CCDC7: variants seen among roughly 807,000 people sequenced by gnomAD.
The protein encoded by CCDC7 is coiled-coil domain containing 7, also known as coiled-coil domain-containing protein 7.
Under a neutral mutation model 196.9 loss-of-function variants are expected in CCDC7, and 183 were observed. The observed-to-expected ratio is 0.93, with a 90% confidence interval of 0.82 to 1.05. The LOEUF is 1.05. CCDC7 is among the 50% of genes least tolerant of loss of function. CCDC7 has a pLI of 0.00. For missense variants in CCDC7, 1,540 were observed against 1,482.2 expected, an observed-to-expected ratio of 1.04 and a Z score of -0.64; for synonymous variants, 525 against 484.6, an observed-to-expected ratio of 1.08 and a Z score of -1.10.
Position 32,633,734 on chromosome 10 carries a change from A to G in CCDC7, c.1802-520A>G, listed in dbSNP as rs867435581. On this transcript the variant is annotated intron_variant, in intron 18 of 41. Transcript: ENST00000639629. The stretch of plus-strand genomic sequence containing the variant: ...TGTGTGTGTGTGTGTGTGTGTGTAT[A>G]TATATGTGTGTGTGTGTGTATATAT... Among the ~76,000 whole-genome samples the G allele has an allele frequency of 4.9e-4, 62 of 125,502 alleles. No homozygotes were observed. The South Asian group carries it at 5.4e-3, about 11-fold the overall frequency. 82.3% of individuals were successfully genotyped at this position (125,502 alleles called of 152,430 possible).
intron 20 of CCDC7, among the ~76,000 whole-genome samples, chr10:32,644,292 CT>C (rs1224069929): frequency 6.6e-6 from 1 of 152,176 alleles, no homozygotes; most frequent in Non-Finnish European, 1.5e-5. Flanking sequence ...AACACTAAAA[CT>C]TCTTCTTCAT....
chr10:32,445,002 C>T (rs529742954), upstream of CCDC7, among the ~76,000 whole-genome samples: 186 of 152,092 alleles, frequency 1.2e-3, no homozygotes, highest in African/African-American at 4.3e-3. Context: ...TACAGGCACC[C>T]GCCATCACGC....
chr10:32,514,197 G>A (rs2046676391), intron 9 of CCDC7: 1 of 152,210 alleles, frequency 6.6e-6, no homozygotes, highest in Non-Finnish European at 1.5e-5. Context: ...GTTATGGGTT[G>A]AATTGTATCC....
At position 32,641,822 on chromosome 10, in the gene CCDC7, G is replaced by T. The variant is rs181150180; in HGVS notation, c.2014+6664G>T. Among the ~76,000 whole-genome samples the T allele has an allele frequency of 2.5e-4, 38 of 152,298 alleles. No individual in the cohort carries two copies. The East Asian group carries it at 6.9e-3, about 28-fold the overall frequency. On this transcript the variant is annotated intron_variant, in intron 20 of 41. Coordinates refer to ENST00000639629, the Ensembl canonical transcript of CCDC7. ...TCTTTGATGATGGTGACGAACAGATGGGGTTTTGGTGTGGATGTCCTTTCC... is the reference window on the plus strand; with the variant it reads ...TCTTTGATGATGGTGACGAACAGATTGGGTTTTGGTGTGGATGTCCTTTCC...
At chr10:32,644,770 G>A (rs1356128561) in intron 20 of CCDC7, among the ~76,000 whole-genome samples, 3 of 152,102 alleles carry the variant, frequency 2.0e-5, no homozygotes, top group Non-Finnish European at 4.4e-5. Flanking sequence ...CATGTGAGAC[G>A]TGCCTTTCAC....
At chr10:32,524,352 AGTT>A (rs2048350626) in intron 11 of CCDC7, among the ~76,000 whole-genome samples, 8 of 152,058 alleles carry the variant, frequency 5.3e-5, no homozygotes, top group Admixed American at 4.6e-4. Context: ...AAGCTGGTAT[AGTT>A]ATTATTTTTG....
At chr10:32,489,760 G>T (rs927101121) in intron 8 of CCDC7, among the ~76,000 whole-genome samples, 13 of 152,132 alleles carry the variant, frequency 8.5e-5, no homozygotes, top group Admixed American at 2.6e-4. Context: ...CTGGGGTGGG[G>T]CTAGCCCTCA....
At chr10:32,720,045 T>C (rs2082170285) in intron 25 of CCDC7, among the ~76,000 whole-genome samples, 1 of 152,186 alleles carries the variant, frequency 6.6e-6, no homozygotes, top group South Asian at 2.1e-4. Context: ...TTATAAATTA[T>C]ATACCCAAAC....
intron 41 of CCDC7, among the ~76,000 whole-genome samples, chr10:32,861,635 C>G (rs1312108731): frequency 6.6e-6 from 1 of 152,116 alleles, no homozygotes; most frequent in Non-Finnish European, 1.5e-5. Context: ...GAACAGGCAA[C>G]CTACAGAATG....
chr10:32,647,651 T>A (rs1156780071), intron 20 of CCDC7, among the ~76,000 whole-genome samples: 1 of 152,196 alleles, frequency 6.6e-6, no homozygotes, highest in East Asian at 1.9e-4. Flanking sequence ...AAGTGTCTGT[T>A]CATGTCTGTT....
intron 33 of CCDC7, among the ~76,000 whole-genome samples, chr10:32,841,592 T>G (rs1013087294): frequency 6.6e-6 from 1 of 151,964 alleles, no homozygotes; most frequent in Non-Finnish European, 1.5e-5. Flanking sequence ...ACATCATTCT[T>G]CACAGAACTA....
chr10:32,465,947 GA>G (rs1303856411), intron 5 of CCDC7, among the ~76,000 whole-genome samples: 2 of 152,072 alleles, frequency 1.3e-5, no homozygotes, highest in African/African-American at 4.8e-5. Context: ...ATCTATTCCT[GA>G]TATTTAATCT....
exon 9 of CCDC7, chr10:32,491,927 G>C: frequency 6.4e-7 from 1 of 1,554,762 alleles, no homozygotes; most frequent in African/African-American, 1.4e-5. Flanking sequence ...AATAGAAACT[G>C]CTCATTCAAT....
intron 21 of CCDC7, among the ~76,000 whole-genome samples, chr10:32,677,663 C>G (rs1378830966): frequency 6.6e-6 from 1 of 151,920 alleles, no homozygotes; most frequent in East Asian, 1.9e-4. Flanking sequence ...TGAGTTTTGA[C>G]AATTTAATGT....
At chr10:32,485,971 C>T (rs578219866) in intron 8 of CCDC7, among the ~76,000 whole-genome samples, 2 of 152,120 alleles carry the variant, frequency 1.3e-5, no homozygotes, top group East Asian at 1.9e-4. Context: ...ATTGTATATT[C>T]GGTTGATTTG....
intron 33 of CCDC7, among the ~76,000 whole-genome samples, chr10:32,840,462 AATCTCT>A (rs1372376771): frequency 6.6e-6 from 1 of 152,106 alleles, no homozygotes; most frequent in Non-Finnish European, 1.5e-5. Flanking sequence ...GAAGGTATAG[AATCTCT>A]GAACAGACCA....
chr10:32,575,870 G>A (rs934935348), intron 16 of CCDC7, among the ~76,000 whole-genome samples: 6 of 152,114 alleles, frequency 3.9e-5, no homozygotes, highest in African/African-American at 1.4e-4. Flanking sequence ...AATTTCCTTA[G>A]TATTGTCTGG....
At chr10:32,636,024 C>G (rs761874039) in intron 20 of CCDC7, among the ~76,000 whole-genome samples, 1 of 151,988 alleles carries the variant, frequency 6.6e-6, no homozygotes, top group African/African-American at 2.4e-5. Flanking sequence ...ATATTTTAAA[C>G]TTTATTCTAA....
At chr10:32,520,735 A>G (rs977165609) in intron 11 of CCDC7, among the ~76,000 whole-genome samples, 2 of 152,008 alleles carry the variant, frequency 1.3e-5, no homozygotes, top group Non-Finnish European at 2.9e-5. Flanking sequence ...GTGTTATCCC[A>G]TGGGTCCATT....
Sources: allele counts gnomAD v4.1 joint callset (sites outside exome capture counted in the v4.1 genomes callset), GRCh38; gene constraint gnomAD v4.1.1; transcripts MANE v1.5; gene names NCBI Gene and HGNC (gene_info 2026-07-23, HGNC 2026-07-21).